SCG5: variants seen among roughly 807,000 people sequenced by gnomAD.
SCG5 encodes the protein secretogranin V.
A neutral mutation model predicts 25.7 loss-of-function variants in SCG5; 18 were observed. The observed-to-expected ratio is 0.70, with a 90% CI of 0.48 to 1.04. SCG5 has a LOEUF of 1.04. Ranked by LOEUF, SCG5 falls within the 50% of genes least tolerant of loss-of-function variation. SCG5 has a pLI of 0.00. For missense variants in SCG5, 206 were observed against 259.8 expected, an observed-to-expected ratio of 0.79 and a Z score of 1.42; for synonymous variants, 101 against 91.7, an observed-to-expected ratio of 1.10 and a Z score of -0.58.
At chr15:32,662,644 T>C (rs2054238863) in intron 2 of SCG5, among the ~76,000 whole-genome samples, 1 of 152,158 alleles carries the variant, frequency 6.6e-6, no homozygotes, top group Non-Finnish European at 1.5e-5. Context: ...AGAGGAAGAC[T>C]TGAGGCAAGT....
intron 4 of SCG5, 53 bp from the exon 5 acceptor site, chr15:32,691,657 C>T (rs1470425164): frequency 7.0e-7 from 1 of 1,422,054 alleles, no homozygotes; most frequent in Non-Finnish European, 9.7e-7. Flanking sequence ...TAGACATTCA[C>T]CAAATTTGAT....
At chr15:32,688,288 T>C (rs1028844085) in intron 4 of SCG5, among the ~76,000 whole-genome samples, 3 of 152,200 alleles carry the variant, frequency 2.0e-5, no homozygotes, top group Admixed American at 2.0e-4. Context: ...CCACTCCCCC[T>C]TTACACATTA....
chr15:32,653,716 G>A (rs556792256), intron 2 of SCG5, among the ~76,000 whole-genome samples: 2 of 152,270 alleles, frequency 1.3e-5, no homozygotes, highest in South Asian at 2.1e-4. Context: ...TTCTCTTAAC[G>A]TCTTCAGTGA....
chr15:32,654,569 T>G (rs12101650), intron 2 of SCG5, among the ~76,000 whole-genome samples: 151,908 of 152,292 alleles, frequency 1, 75,763 homozygotes, highest in Middle Eastern at 1. Flanking sequence ...ATGCAGAAAG[T>G]GTTAAACCTT....
intron 5 of SCG5, among the ~76,000 whole-genome samples, chr15:32,695,938 A>T (rs2054950139): frequency 6.6e-6 from 1 of 152,172 alleles, no homozygotes; most frequent in Non-Finnish European, 1.5e-5. Flanking sequence ...ACCACATTGT[A>T]TCTGATAAAG....
chr15:32,693,971 G>A lies in SCG5; in HGVS notation c.543+2208G>A, dbSNP rs182245879. On this transcript the variant is annotated intron_variant, in intron 5 of 5. Transcript: ENST00000300175. Reference sequence around the variant, plus strand: ...CTAAAAGTACAAAAATTAGCCGGGCGTGGTGGTATGCTCCTGTTATCTCAG... The same window carrying A: ...CTAAAAGTACAAAAATTAGCCGGGCATGGTGGTATGCTCCTGTTATCTCAG... 6.8e-4 allele frequency among the ~76,000 whole-genome samples: 103 copies of A among 152,252 alleles called. No homozygotes were observed. In the East Asian group the frequency reaches 0.016, roughly 24 times the overall value.
intron 4 of SCG5, among the ~76,000 whole-genome samples, chr15:32,688,923 C>G (rs2054782503): frequency 6.8e-6 from 1 of 146,640 alleles, no homozygotes; most frequent in Non-Finnish European, 1.5e-5. Flanking sequence ...AGTGCCACTG[C>G]AGTCCGGCCT....
intron 5 of SCG5, among the ~76,000 whole-genome samples, chr15:32,696,285 T>G (rs1265652471): frequency 2.0e-5 from 3 of 152,038 alleles, no homozygotes; most frequent in African/African-American, 7.2e-5. Flanking sequence ...GCCCGGCTAA[T>G]TTTTTGTATT....
intron 2 of SCG5, among the ~76,000 whole-genome samples, chr15:32,649,434 A>G (rs1264171071): frequency 6.6e-6 from 1 of 152,206 alleles, no homozygotes; most frequent in African/African-American, 2.4e-5. Flanking sequence ...AGAATTGACT[A>G]TGACTGTGAT....
intron 2 of SCG5, among the ~76,000 whole-genome samples, chr15:32,669,373 TCA>T (rs2054377630): frequency 6.6e-6 from 1 of 152,276 alleles, no homozygotes; most frequent in Non-Finnish European, 1.5e-5. Flanking sequence ...TTTTACTTTT[TCA>T]CAGTTTTGTG....
chr15:32,659,751 G>A (rs139268314), intron 2 of SCG5, among the ~76,000 whole-genome samples: 99 of 152,278 alleles, frequency 6.5e-4, no homozygotes, highest in African/African-American at 2.1e-3. Flanking sequence ...AGTGACTAAC[G>A]TTTTCCTCTG....
At chr15:32,655,746 AC>A (rs2054106956) in intron 2 of SCG5, among the ~76,000 whole-genome samples, 1 of 152,156 alleles carries the variant, frequency 6.6e-6, no homozygotes, top group South Asian at 2.1e-4. Context: ...TGCCCTTTCC[AC>A]CGTGGGAGAA....
intron 2 of SCG5, among the ~76,000 whole-genome samples, chr15:32,674,585 A>G (rs1046838713): frequency 4.6e-5 from 7 of 152,316 alleles, no homozygotes; most frequent in Admixed American, 2.0e-4. Context: ...AGTAACCAGA[A>G]AAGTTAGTGC....
chr15:32,662,150 A>G (rs1004668905), intron 2 of SCG5, among the ~76,000 whole-genome samples: 1 of 152,208 alleles, frequency 6.6e-6, no homozygotes, highest in African/African-American at 2.4e-5. Flanking sequence ...ACACAGCTTC[A>G]ATGAACATAT....
At chr15:32,682,428 A>G (rs1263520541) in intron 3 of SCG5, among the ~76,000 whole-genome samples, 1 of 152,216 alleles carries the variant, frequency 6.6e-6, no homozygotes, top group African/African-American at 2.4e-5. Flanking sequence ...GACATAGGCA[A>G]TGCCTCCAAA....
intron 2 of SCG5, among the ~76,000 whole-genome samples, chr15:32,648,190 T>C (rs1280588878): frequency 6.6e-6 from 1 of 152,198 alleles, no homozygotes; most frequent in Non-Finnish European, 1.5e-5. Flanking sequence ...ACCCTTGATT[T>C]TCTCCATCAC....
intron 2 of SCG5, among the ~76,000 whole-genome samples, chr15:32,664,496 C>A (rs2140532440): frequency 6.6e-6 from 1 of 152,268 alleles, no homozygotes; most frequent in Non-Finnish European, 1.5e-5. Context: ...CGTTTGTATA[C>A]CGCTTTTAAG....
chr15:32,656,683 G>A (rs1320175623), intron 2 of SCG5, among the ~76,000 whole-genome samples: 2 of 152,216 alleles, frequency 1.3e-5, no homozygotes, highest in Non-Finnish European at 2.9e-5. Flanking sequence ...TGGGTGGATG[G>A]TGTTTCAGAG....
At chr15:32,646,084 G>T (rs2053940657) in intron 2 of SCG5, among the ~76,000 whole-genome samples, 1 of 151,562 alleles carries the variant, frequency 6.6e-6, no homozygotes, top group Admixed American at 6.6e-5. Context: ...CAGAGTGCTG[G>T]GATCACAGGC....
Sources: gnomAD v4.1 joint callset for allele counts (sites outside exome capture counted in the v4.1 genomes callset) on GRCh38, gnomAD v4.1.1 for gene constraint, MANE v1.5 for transcripts, NCBI Gene and HGNC (gene_info 2026-07-23, HGNC 2026-07-21) for gene names.